Variants in HS6ST2 observed in about 807,000 individuals in gnomAD.
HS6ST2 encodes the protein heparan-sulfate 6-O-sulfotransferase 2.
HS6ST2 carries 17 observed loss-of-function variants against 33.0 expected under a neutral mutation model. The observed-to-expected ratio is 0.52, with a 90% CI of 0.35 to 0.77. HS6ST2 has a LOEUF of 0.77. Ranked by LOEUF, HS6ST2 falls within the 30% of genes least tolerant of loss-of-function variation. HS6ST2 has a pLI of 0.01. For missense variants in HS6ST2, 519 were observed against 551.7 expected (o/e 0.94, Z 0.59); for synonymous variants, 248 against 237.1 (o/e 1.05, Z -0.42).
At chrX:132,808,408 T>C (rs1181549344) in intron 2 of HS6ST2, among the ~76,000 whole-genome samples, 2 of 111,745 alleles carry the variant, frequency 1.8e-5, no homozygotes, top group African/African-American at 6.5e-5. Flanking sequence ...CTCTGAAGTT[T>C]TTACATCCCC....
intron 4 of HS6ST2, among the ~76,000 whole-genome samples, chrX:132,651,033 G>A (rs1306644323): frequency 9.0e-6 from 1 of 111,501 alleles, no homozygotes; most frequent in Non-Finnish European, 1.9e-5. Flanking sequence ...CTCCCAAAGT[G>A]TTGGAGTTCA....
chrX:132,831,150 T>C (rs1379712367), intron 2 of HS6ST2, among the ~76,000 whole-genome samples: 1 of 111,297 alleles, frequency 9.0e-6, no homozygotes, highest in Non-Finnish European at 1.9e-5. Context: ...TGACAAACTA[T>C]ATGTACCTGT....
At chrX:132,844,644 C>T (rs2148401680) in intron 2 of HS6ST2, among the ~76,000 whole-genome samples, 1 of 110,926 alleles carries the variant, frequency 9.0e-6, no homozygotes, top group East Asian at 2.9e-4. Flanking sequence ...CTTTTCTGGC[C>T]CCCTCCCAAC....
chrX:132,870,520 C>T lies in HS6ST2; in HGVS notation c.947+86288G>A, dbSNP rs1041420307. Among the ~76,000 whole-genome samples, 6 of 111,638 alleles carry T rather than the reference C, an allele frequency of 5.4e-5. No individual in the cohort carries two copies. The Admixed American group carries it at 5.7e-4, about 11-fold the overall frequency. On this transcript the variant is annotated intron_variant, in intron 2 of 4. Coordinates refer to ENST00000370833, the MANE Select transcript of HS6ST2 (RefSeq NM_001394073.1). ...TCACGCTACCTGACTTCAAACTATA[C>T]TATAAGGCTAGAGTAACCAAAACAG... is the stretch of plus-strand genomic sequence containing the variant.
intron 2 of HS6ST2, among the ~76,000 whole-genome samples, chrX:132,841,223 T>A (rs1476344325): frequency 8.9e-6 from 1 of 112,011 alleles, no homozygotes; most frequent in African/African-American, 3.2e-5. Context: ...TCCAAAGGTC[T>A]CCAATGAGAC....
At chrX:132,671,849 T>C (rs148489902) in intron 3 of HS6ST2, among the ~76,000 whole-genome samples, 1,644 of 111,862 alleles carry the variant, frequency 0.015, 38 homozygotes, top group African/African-American at 0.049. Flanking sequence ...AACAGATCCA[T>C]TAACAGTGAT....
chrX:132,712,923 G>T (rs2064243865), intron 2 of HS6ST2, among the ~76,000 whole-genome samples: 1 of 111,055 alleles, frequency 9.0e-6, no homozygotes, highest in Non-Finnish European at 1.9e-5. Context: ...TACAAAGGAG[G>T]CTGAGGCAGG....
chrX:132,900,403 T>C (rs1481992787), intron 2 of HS6ST2, among the ~76,000 whole-genome samples: 1 of 111,728 alleles, frequency 9.0e-6, no homozygotes, highest in African/African-American at 3.3e-5. Flanking sequence ...AAAATCTCTT[T>C]AAAAGATAAT....
Position 132,794,574 on chromosome X carries a change from G to GATGATGATGATGATTATT in HS6ST2, c.948-86081_948-86080insAATAATCATCATCATCAT, listed in dbSNP as rs916088563. On this transcript the variant is annotated intron_variant, in intron 2 of 4. Transcript: ENST00000370833. ...ACTCCTGGATGATGATGATGATGAT[G>GATGATGATGATGATTATT]ATTATTATTATTATTATTATTATTA... 5.5e-4 allele frequency among the ~76,000 whole-genome samples: 54 copies of GATGATGATGATGATTATT among 99,067 alleles called. No homozygotes were observed. In the East Asian group the frequency reaches 6.5e-3, roughly 12 times the overall value. The allele number at this position is 99,067 out of a possible 115,157, so 86.0% of individuals were successfully genotyped here. A position where few individuals can be genotyped will look rare whatever the true frequency, so the allele number is the denominator to read the frequency against.
intron 2 of HS6ST2, among the ~76,000 whole-genome samples, chrX:132,780,746 G>A (rs748541676): frequency 1.1e-4 from 12 of 111,673 alleles, no homozygotes; most frequent in Non-Finnish European, 1.9e-4. Flanking sequence ...AACAGAGTAA[G>A]CCCTTGACAA....
chrX:132,892,810 C>G (rs761654483), intron 2 of HS6ST2, among the ~76,000 whole-genome samples: 1 of 111,543 alleles, frequency 9.0e-6, no homozygotes, highest in Non-Finnish European at 1.9e-5. Context: ...CAGAGTGAGA[C>G]TCCATCTTAA....
chrX:132,817,613 C>T (rs760318920), intron 2 of HS6ST2, among the ~76,000 whole-genome samples: 1 of 112,217 alleles, frequency 8.9e-6, no homozygotes, highest in Non-Finnish European at 1.9e-5. Flanking sequence ...GAAATCTACA[C>T]AGAGCCGGCA....
At chrX:132,909,993 C>T (rs997518798) in intron 2 of HS6ST2, among the ~76,000 whole-genome samples, 5 of 110,511 alleles carry the variant, frequency 4.5e-5, no homozygotes, top group Admixed American at 3.9e-4. Context: ...GGACATCAGA[C>T]GCCCGCACCC....
chrX:132,914,823 G>A, intron 2 of HS6ST2, among the ~76,000 whole-genome samples: 1 of 112,675 alleles, frequency 8.9e-6, no homozygotes, highest in Non-Finnish European at 1.9e-5. Flanking sequence ...GACCAAACAA[G>A]TTGGTAGGGT....
intron 4 of HS6ST2, among the ~76,000 whole-genome samples, chrX:132,650,172 A>C (rs1464822780): frequency 8.9e-6 from 1 of 111,829 alleles, no homozygotes; most frequent in Non-Finnish European, 1.9e-5. Flanking sequence ...GCGTCCCCTA[A>C]GAGAAGTCCA....
chrX:132,768,388 G>T (rs1201960068), intron 2 of HS6ST2, among the ~76,000 whole-genome samples: 1 of 105,623 alleles, frequency 9.5e-6, no homozygotes, highest in Non-Finnish European at 1.9e-5. Context: ...TAGTAAAAGA[G>T]ATGCCAAATA....
intron 2 of HS6ST2, among the ~76,000 whole-genome samples, chrX:132,886,597 G>A (rs748309528): frequency 2.7e-5 from 3 of 109,957 alleles, no homozygotes; most frequent in Non-Finnish European, 3.8e-5. Flanking sequence ...ATCCCAAGTA[G>A]GATTAATACA....
intron 2 of HS6ST2, among the ~76,000 whole-genome samples, chrX:132,863,907 G>T (rs1395096026): frequency 9.0e-6 from 1 of 111,406 alleles, no homozygotes; most frequent in East Asian, 2.8e-4. Flanking sequence ...GAATGAACGG[G>T]CAGCAATCTT....
chrX:132,798,361 T>C (rs778774535), intron 2 of HS6ST2, among the ~76,000 whole-genome samples: 1 of 111,435 alleles, frequency 9.0e-6, no homozygotes, highest in Admixed American at 9.6e-5. Context: ...CTGGGGTCAC[T>C]CAGCAGAATA....
Sources: allele counts gnomAD v4.1 joint callset (sites outside exome capture counted in the v4.1 genomes callset), GRCh38; gene constraint gnomAD v4.1.1; transcripts MANE v1.5; gene names NCBI Gene and HGNC (gene_info 2026-07-23, HGNC 2026-07-21).